The following SLC39A11 variants were observed in gnomAD, a reference collection of about 807,000 sequenced individuals.
SLC39A11 encodes zinc transporter ZIP11.
Under a neutral mutation model 36.1 loss-of-function variants are expected in SLC39A11, and 33 were observed. That is an observed-to-expected ratio of 0.91 (90% CI 0.69 to 1.22). The LOEUF (loss-of-function observed/expected upper bound fraction) is 1.22, where lower values mean the gene tolerates loss of function less well. SLC39A11 is among the 50% of genes most tolerant of loss of function. The probability of loss-of-function intolerance (pLI) is 0.00; values close to 1 mark genes in which losing one functional copy is unlikely to be tolerated. For synonymous variants in SLC39A11, 166 were observed against 170.3 expected (o/e 0.97, Z 0.20); for missense variants, 432 against 430.3 (o/e 1.00, Z -0.03).
Position 72,799,388 on chromosome 17 carries a change from G to A in SLC39A11, c.601+50246C>T, listed in dbSNP as rs796539675. Among the ~76,000 whole-genome samples, 18 of 152,222 alleles carry A rather than the reference G, an allele frequency of 1.2e-4. No homozygotes were observed. In the South Asian group the frequency reaches 1.9e-3, roughly 16 times the overall value. On this transcript the variant is annotated intron_variant, in intron 6 of 9. Transcript: ENST00000255559. ...CCTTGAAAAAGAACAGAATAACAGCGATTTTTAGGGAACAAGGGAAGACAA... is the reference window on the plus strand; with the variant it reads ...CCTTGAAAAAGAACAGAATAACAGCAATTTTTAGGGAACAAGGGAAGACAA...
In SLC39A11 at chr17:73,064,716, G is replaced by A. The variant is rs147278162; in HGVS notation, c.147+20092C>T. ...ATATTCCTTAGGGTGGGAGCCACCA[G>A]GGAAGGGAAGTGGAATGAGGCCAAG... is the stretch of plus-strand genomic sequence containing the variant. On this transcript the variant is annotated intron_variant, in intron 3 of 9. Transcript: ENST00000255559. Among the ~76,000 whole-genome samples the A allele has an allele frequency of 1.3e-3, 192 of 152,264 alleles. 1 individual carries two copies. Among genetic ancestry groups the A allele is most frequent in the African/African-American group, 4.2e-3 (176 of 41,556 alleles).
At chr17:73,031,832 T>C in intron 3 of SLC39A11, 118 bp from the exon 4 acceptor site, 1 of 1,051,448 alleles carries the variant, frequency 9.5e-7, no homozygotes. Context: ...GAGTTCAGTC[T>C]TTCGTCCCAG....
Position 72,734,808 on chromosome 17 carries a change from G to A in SLC39A11, c.671+1842C>T, listed in dbSNP as rs775735269. On this transcript the variant is annotated intron_variant, in intron 7 of 9. Coordinates refer to ENST00000255559, the MANE Select transcript of SLC39A11 (RefSeq NM_139177.4). The stretch of plus-strand genomic sequence containing the variant: ...GGGCACAGACCTCTGCAGCGTGTGC[G>A]GTTTCCTGCGCTCTGGGAGGACTTG... Among the ~76,000 whole-genome samples the A allele has an allele frequency of 6.6e-5, 10 of 152,114 alleles. No individual in the cohort carries two copies. In the South Asian group the frequency reaches 8.3e-4, roughly 13 times the overall value.
chr17:72,952,582 G>A (rs991225111), intron 4 of SLC39A11, among the ~76,000 whole-genome samples: 7 of 152,162 alleles, frequency 4.6e-5, no homozygotes, highest in Admixed American at 1.3e-4. Context: ...GCCTTGGCCC[G>A]TGCATGAGGA....
intron 5 of SLC39A11, among the ~76,000 whole-genome samples, chr17:72,905,604 A>C (rs1348292618): frequency 6.6e-6 from 1 of 151,898 alleles, no homozygotes; most frequent in Non-Finnish European, 1.5e-5. Flanking sequence ...CTCTAAAAAA[A>C]AAAAGAAGAC....
At chr17:72,788,069 T>C (rs1331043834) in intron 6 of SLC39A11, among the ~76,000 whole-genome samples, 1 of 152,266 alleles carries the variant, frequency 6.6e-6, no homozygotes, top group African/African-American at 2.4e-5. Context: ...ACACCTCAAG[T>C]AGGCACAGTT....
chr17:72,674,886 C>A (rs1291142697), intron 7 of SLC39A11, among the ~76,000 whole-genome samples: 1 of 151,988 alleles, frequency 6.6e-6, no homozygotes, highest in African/African-American at 2.4e-5. Context: ...ATTTTTCTAT[C>A]AAAATGTCCT....
At chr17:72,797,944 T>C (rs913827700) in intron 6 of SLC39A11, among the ~76,000 whole-genome samples, 1 of 152,160 alleles carries the variant, frequency 6.6e-6, no homozygotes, top group South Asian at 2.1e-4. Flanking sequence ...AGGGAGGCTA[T>C]GTCTTGCTCT....
chr17:72,940,542 C>G (rs1006660012), intron 5 of SLC39A11, among the ~76,000 whole-genome samples: 1 of 152,258 alleles, frequency 6.6e-6, no homozygotes, highest in African/African-American at 2.4e-5. Flanking sequence ...TCCCGAAGTG[C>G]TGGGATTACA....
chr17:72,748,214 T>C (rs1038884377), intron 6 of SLC39A11, among the ~76,000 whole-genome samples: 6 of 151,642 alleles, frequency 4.0e-5, no homozygotes, highest in Non-Finnish European at 7.4e-5. Context: ...CCCAGCTACT[T>C]GGGAGGGTTA....
intron 6 of SLC39A11, 81 bp from the exon 7 acceptor site, chr17:72,736,800 G>A: frequency 8.9e-7 from 1 of 1,129,844 alleles, no homozygotes; most frequent in African/African-American, 1.5e-5. Flanking sequence ...ACTGCATTAA[G>A]TAGGACTGCA....
chr17:73,074,376 C>A (rs971401941), intron 3 of SLC39A11, among the ~76,000 whole-genome samples: 1 of 148,540 alleles, frequency 6.7e-6, no homozygotes, highest in Non-Finnish European at 1.5e-5. Flanking sequence ...TGGCTCACTG[C>A]AACTTCCGCC....
intron 4 of SLC39A11, among the ~76,000 whole-genome samples, chr17:73,023,723 G>A (rs1179329938): frequency 6.6e-6 from 1 of 152,094 alleles, no homozygotes; most frequent in East Asian, 1.9e-4. Context: ...TCTCCTGACT[G>A]CGTGATCCGC....
chr17:72,692,528 A>G (rs778086192), intron 7 of SLC39A11, among the ~76,000 whole-genome samples: 1 of 152,190 alleles, frequency 6.6e-6, no homozygotes, highest in South Asian at 2.1e-4. Context: ...AGGAAGAGGT[A>G]AAAGTGGAAA....
At chr17:73,022,488 AG>A (rs2058384366) in intron 4 of SLC39A11, among the ~76,000 whole-genome samples, 1 of 150,792 alleles carries the variant, frequency 6.6e-6, no homozygotes, top group African/African-American at 2.4e-5. Flanking sequence ...CCAGCTACCC[AG>A]GAGGCTGAGG....
At chr17:72,804,374 C>A (rs2077186585) in intron 6 of SLC39A11, among the ~76,000 whole-genome samples, 1 of 152,130 alleles carries the variant, frequency 6.6e-6, no homozygotes, top group African/African-American at 2.4e-5. Context: ...AGGATAGAAA[C>A]CCTTGCTGGG....
intron 3 of SLC39A11, among the ~76,000 whole-genome samples, chr17:73,065,928 C>T (rs2059985222): frequency 6.6e-6 from 1 of 152,090 alleles, no homozygotes; most frequent in Admixed American, 6.5e-5. Flanking sequence ...AAGGGGAAGC[C>T]CAGTGTCGGG....
rs76785525 is a variant in SLC39A11, at chr17:72,863,341, C to T, written c.431-13537G>A. Reference sequence around the variant, plus strand: ...CCCCCATTTACCAAGCCAGGAGCAACACAAGAGCAAGTGTCAGCATATGCA... The same window carrying T: ...CCCCCATTTACCAAGCCAGGAGCAATACAAGAGCAAGTGTCAGCATATGCA... On this transcript the variant is annotated intron_variant, in intron 5 of 9. Transcript: ENST00000255559. Among the ~76,000 whole-genome samples the T allele has an allele frequency of 5.0e-3, 760 of 152,210 alleles. 6 individuals are homozygous for T. The highest frequency in any genetic ancestry group is 0.018 in the African/African-American group (736 of 41,544).
At chr17:72,914,636 T>A (rs565816209) in intron 5 of SLC39A11, among the ~76,000 whole-genome samples, 1 of 152,090 alleles carries the variant, frequency 6.6e-6, no homozygotes, top group Non-Finnish European at 1.5e-5. Context: ...TTCCCAGCAC[T>A]TTGGGAGGTC....
Sources: allele counts gnomAD v4.1 joint callset (sites outside exome capture counted in the v4.1 genomes callset), GRCh38; gene constraint gnomAD v4.1.1; transcripts MANE v1.5; gene names NCBI Gene and HGNC (gene_info 2026-07-23, HGNC 2026-07-21).